Variants in IKZF2 observed in about 807,000 individuals in gnomAD.
IKZF2 encodes IKAROS family zinc finger 2.
A neutral mutation model predicts 49.2 loss-of-function variants in IKZF2; 15 were observed. That is an observed-to-expected ratio of 0.30 (90% CI 0.20 to 0.47). The LOEUF is 0.47. Ranked by LOEUF, IKZF2 falls within the 20% of genes least tolerant of loss-of-function variation. IKZF2 has a pLI of 1.00. For missense variants in IKZF2, 567 were observed against 664.6 expected (o/e 0.85, Z 1.61); for synonymous variants, 227 against 221.4 (o/e 1.03, Z -0.23).
intron 6 of IKZF2, 90 bp downstream of exon 6, chr2:213,049,623 T>G: frequency 2.1e-6 from 2 of 970,322 alleles, no homozygotes; most frequent in Non-Finnish European, 3.0e-6. Flanking sequence ...CATTACCGAC[T>G]ACATAACAAA....
At chr2:213,057,667 C>T (rs1701291819) in intron 4 of IKZF2, among the ~76,000 whole-genome samples, 1 of 152,142 alleles carries the variant, frequency 6.6e-6, no homozygotes, top group Non-Finnish European at 1.5e-5. Flanking sequence ...AAACTAAACA[C>T]ATATATTCAG....
At chr2:213,050,405 T>C (rs965752490) in intron 5 of IKZF2, among the ~76,000 whole-genome samples, 4 of 152,150 alleles carry the variant, frequency 2.6e-5, no homozygotes, top group African/African-American at 9.7e-5. Flanking sequence ...CTCTTTAAAA[T>C]TGGCAGAAAA....
intron 6 of IKZF2, among the ~76,000 whole-genome samples, chr2:213,030,114 C>A (rs1574542497): frequency 1.3e-5 from 2 of 152,118 alleles, no homozygotes; most frequent in Middle Eastern, 6.8e-3. Flanking sequence ...TCTTGACTTA[C>A]CTATTTGACT....
intron 7 of IKZF2, chr2:213,021,538 G>A: frequency 3.4e-6 from 1 of 294,738 alleles, no homozygotes; most frequent in Non-Finnish European, 6.5e-6. Context: ...GGTGTCTAAT[G>A]TTGGTCTAGA....
At chr2:213,058,086 A>G (rs1701338833) in intron 4 of IKZF2, among the ~76,000 whole-genome samples, 1 of 152,136 alleles carries the variant, frequency 6.6e-6, no homozygotes, top group Non-Finnish European at 1.5e-5. Flanking sequence ...GTACTACTTG[A>G]TTAGAGGAAA....
chr2:213,146,762 G>GT (rs1553604957), intron 4 of IKZF2, among the ~76,000 whole-genome samples: 2 of 134,456 alleles, frequency 1.5e-5, no homozygotes, highest in African/African-American at 2.7e-5. Context: ...AAATCTTCGG[G>GT]GGGGGGGAAG....
At chr2:213,017,389 A>G (rs1484724073) in intron 7 of IKZF2, among the ~76,000 whole-genome samples, 6 of 152,202 alleles carry the variant, frequency 3.9e-5, no homozygotes, top group Non-Finnish European at 8.8e-5. Context: ...GACATAAAAG[A>G]ATATAGTAAA....
chr2:213,139,992 C>T (rs2125941099), intron 4 of IKZF2, among the ~76,000 whole-genome samples: 1 of 151,986 alleles, frequency 6.6e-6, no homozygotes, highest in Middle Eastern at 3.4e-3. Flanking sequence ...TTGAAGATAC[C>T]ATCCTTCTCT....
chr2:213,077,781 G>C (rs1382891407), intron 4 of IKZF2, among the ~76,000 whole-genome samples: 1 of 151,500 alleles, frequency 6.6e-6, no homozygotes, highest in Non-Finnish European at 1.5e-5. Flanking sequence ...GTAGAGACGG[G>C]GTTTCACCGT....
chr2:213,031,086 A>G (rs1164249342), intron 6 of IKZF2, among the ~76,000 whole-genome samples: 1 of 152,204 alleles, frequency 6.6e-6, no homozygotes, highest in Non-Finnish European at 1.5e-5. Context: ...TCAGCCTCCC[A>G]AAGTGCTGGG....
intron 4 of IKZF2, among the ~76,000 whole-genome samples, chr2:213,086,698 A>T (rs1704650846): frequency 6.6e-6 from 1 of 152,154 alleles, no homozygotes; most frequent in African/African-American, 2.4e-5. Flanking sequence ...GTCAGGCACT[A>T]GTCCAGCAGC....
intron 4 of IKZF2, among the ~76,000 whole-genome samples, chr2:213,139,446 T>A (rs1160835051): frequency 6.6e-6 from 1 of 151,976 alleles, no homozygotes; most frequent in Non-Finnish European, 1.5e-5. Flanking sequence ...TTATTCAGAT[T>A]CCTTGCTCAG....
chr2:213,076,409 A>G (rs975271464), intron 4 of IKZF2, among the ~76,000 whole-genome samples: 3 of 152,372 alleles, frequency 2.0e-5, no homozygotes, highest in Admixed American at 2.0e-4. Flanking sequence ...AATAATGTGT[A>G]GTAGGCATAG....
intron 4 of IKZF2, chr2:213,147,230 T>TA (rs1171813031): frequency 1.6e-5 from 3 of 190,844 alleles, no homozygotes; most frequent in Non-Finnish European, 3.2e-5. Flanking sequence ...AATTTTCAAT[T>TA]ACACTTCACT....
intron 6 of IKZF2, among the ~76,000 whole-genome samples, chr2:213,028,096 A>T (rs1483347390): frequency 6.6e-6 from 1 of 152,068 alleles, no homozygotes; most frequent in Non-Finnish European, 1.5e-5. Context: ...GTCTTAGACC[A>T]TTTTTTTCAA....
intron 6 of IKZF2, among the ~76,000 whole-genome samples, chr2:213,030,369 C>A (rs983500196): frequency 3.3e-5 from 5 of 151,910 alleles, no homozygotes; most frequent in African/African-American, 1.2e-4. Flanking sequence ...AGATCTCTAC[C>A]TGAAAAGTGA....
chr2:213,087,502 T>G (rs1704770341), intron 4 of IKZF2, among the ~76,000 whole-genome samples: 1 of 152,202 alleles, frequency 6.6e-6, no homozygotes, highest in Non-Finnish European at 1.5e-5. Context: ...ACTAATTTAT[T>G]TTTTAATTAT....
intron 4 of IKZF2, among the ~76,000 whole-genome samples, chr2:213,138,919 G>A (rs568709602): frequency 6.6e-6 from 1 of 152,034 alleles, no homozygotes; most frequent in East Asian, 1.9e-4. Context: ...CTAGGTGGTA[G>A]TGCTATTTTC....
intron 4 of IKZF2, among the ~76,000 whole-genome samples, chr2:213,139,559 G>A (rs920361598): frequency 4.1e-5 from 6 of 146,280 alleles, no homozygotes; most frequent in African/African-American, 1.6e-4. Context: ...TTGGTTGCAT[G>A]TGTGTGTGTG....
Sources: allele counts gnomAD v4.1 joint callset (sites outside exome capture counted in the v4.1 genomes callset), GRCh38; gene constraint gnomAD v4.1.1; transcripts MANE v1.5; gene names NCBI Gene and HGNC (gene_info 2026-07-23, HGNC 2026-07-21).